Variants in RP1 observed in about 807,000 individuals in gnomAD.
RP1 encodes oxygen-regulated protein 1.
In RP1, 16 loss-of-function variants were observed where a neutral mutation model predicts 14.8. The ratio of observed to expected loss-of-function variants is 1.08; its 90% CI spans 0.73 to 1.65. The LOEUF (loss-of-function observed/expected upper bound fraction) is 1.65. Ranked by LOEUF, RP1 falls within the 40% of genes most tolerant of loss-of-function variation. The pLI, the probability that RP1 is intolerant of heterozygous loss-of-function variation, is 0.00. For synonymous variants in RP1, 876 were observed against 883.6 expected (o/e 0.99, Z 0.15); for missense variants, 2,631 against 2,535.0 (o/e 1.04, Z -0.81).
At chr8:54,653,481 C>T (rs1806696265) in intron 5 of RP1, among the ~76,000 whole-genome samples, 1 of 152,134 alleles carries the variant, frequency 6.6e-6, no homozygotes, top group Admixed American at 6.5e-5. Context: ...TAAACAAGTT[C>T]TCAAAATGTG....
chr8:54,663,618 G>A, intron 6 of RP1: 1 of 1,324,848 alleles, frequency 7.5e-7, no homozygotes, highest in East Asian at 2.8e-5. Context: ...TTCCACCATG[G>A]ATAAGAGGAG....
chr8:54,695,842 T>C (rs572999625), intron 12 of RP1, among the ~76,000 whole-genome samples: 1 of 152,300 alleles, frequency 6.6e-6, no homozygotes, highest in African/African-American at 2.4e-5. Flanking sequence ...CATCTGTAAG[T>C]GCTTGTCAAC....
intron 24 of RP1, among the ~76,000 whole-genome samples, chr8:54,821,006 A>G (rs1795546453): frequency 1.3e-5 from 2 of 152,204 alleles, no homozygotes; most frequent in Admixed American, 6.5e-5. Context: ...AAAAACACAA[A>G]GCAGAATAAA....
intron 13 of RP1, among the ~76,000 whole-genome samples, chr8:54,699,841 C>G (rs577817902): frequency 6.6e-6 from 1 of 152,096 alleles, no homozygotes; most frequent in Non-Finnish European, 1.5e-5. Context: ...CTCAATGGCC[C>G]TTTTAGGGAC....
chr8:54,706,064 A>G (rs1392195059), intron 14 of RP1, among the ~76,000 whole-genome samples: 2 of 152,130 alleles, frequency 1.3e-5, no homozygotes, highest in Non-Finnish European at 2.9e-5. Flanking sequence ...CATACATTTA[A>G]ATATCCATAG....
chr8:54,802,387 A>G (rs1345242096), intron 24 of RP1, among the ~76,000 whole-genome samples: 1 of 152,210 alleles, frequency 6.6e-6, no homozygotes, highest in Non-Finnish European at 1.5e-5. Flanking sequence ...CATGGCATTC[A>G]ATAGAAAATG....
intron 22 of RP1, among the ~76,000 whole-genome samples, chr8:54,761,990 T>A (rs538925597): frequency 6.6e-6 from 1 of 152,198 alleles, no homozygotes; most frequent in Admixed American, 6.5e-5. Context: ...TTTCTGTGCA[T>A]ATGAGGTCAA....
intron 24 of RP1, among the ~76,000 whole-genome samples, chr8:54,786,627 G>A (rs1479546911): frequency 6.6e-6 from 1 of 151,960 alleles, no homozygotes; most frequent in Non-Finnish European, 1.5e-5. Flanking sequence ...ATAATCCTTT[G>A]ATTAATTTTC....
chr8:54,671,821 T>C (rs989991569), intron 7 of RP1, among the ~76,000 whole-genome samples: 2 of 152,192 alleles, frequency 1.3e-5, no homozygotes, highest in Non-Finnish European at 2.9e-5. Context: ...TAGAGATTTG[T>C]ATTTCTTTAG....
chr8:54,834,676 T>G (rs1234628300), intron 24 of RP1, among the ~76,000 whole-genome samples: 4 of 70,602 alleles, frequency 5.7e-5, no homozygotes, highest in Admixed American at 3.8e-4. Context: ...GCTTTGGGAG[T>G]TTTTTTTTTT....
chr8:54,651,267 G>T (rs1208172490), intron 4 of RP1, among the ~76,000 whole-genome samples: 2 of 152,058 alleles, frequency 1.3e-5, no homozygotes, highest in African/African-American at 2.4e-5. Flanking sequence ...ATGTCTTTGG[G>T]TTTGTTATCA....
At position 54,629,845 on chromosome 8, in the gene RP1, T is replaced by C. The variant is rs375523653; in HGVS notation, c.5963T>C (p.Ile1988Thr). 30 of 1,613,592 alleles carry C rather than the reference T, an allele frequency of 1.9e-5. No individual in the cohort carries two copies. The African/African-American group carries it at 2.8e-4, about 15-fold the overall frequency. ...CTTATTGATAATGCCATTGGTGATA[T>C]ATTTGATCAGTTTTATTTCAGTAAC... ...QNLIDNAIGD[I>T]FDQFYFSNTF... Residue 1988 changes from isoleucine (I) to threonine (T), a missense_variant, in exon 4 of 4, where the codon ATA becomes ACA. Coordinates refer to ENST00000220676, the MANE Select transcript of RP1 (RefSeq NM_006269.2).
chr8:54,602,797 G>A (rs1171075818), intron 1 of RP1, among the ~76,000 whole-genome samples: 3 of 152,140 alleles, frequency 2.0e-5, no homozygotes, highest in Non-Finnish European at 1.5e-5. Context: ...GTGATGATGA[G>A]CATTTTTTCA....
chr8:54,777,676 T>A (rs1810076319), intron 23 of RP1, among the ~76,000 whole-genome samples: 1 of 152,192 alleles, frequency 6.6e-6, no homozygotes, highest in Non-Finnish European at 1.5e-5. Context: ...GATCCTCTTA[T>A]GAGGTTGTAT....
intron 24 of RP1, among the ~76,000 whole-genome samples, chr8:54,818,030 T>C (rs1350386547): frequency 6.6e-6 from 1 of 152,200 alleles, no homozygotes; most frequent in Non-Finnish European, 1.5e-5. Context: ...ACCAGAGTTT[T>C]TCTATAAAAT....
At chr8:54,711,005 T>A (rs1808282788) in intron 15 of RP1, among the ~76,000 whole-genome samples, 1 of 152,220 alleles carries the variant, frequency 6.6e-6, no homozygotes, top group Non-Finnish European at 1.5e-5. Context: ...GGGCCACTCC[T>A]GTCTGCCTAG....
chr8:54,810,921 C>G lies in RP1; in HGVS notation c.3616-26529C>G, dbSNP rs562054540. Among the ~76,000 whole-genome samples, 7 of 152,248 alleles carry G rather than the reference C, an allele frequency of 4.6e-5. No individual in the cohort carries two copies. The East Asian group carries it at 1.4e-3, about 29-fold the overall frequency. On this transcript the variant is annotated intron_variant, in intron 24 of 28. Coordinates refer to the RP1 transcript ENST00000637698. ...CCAAGTAGTAAGAGGTTCAAATCTG[C>G]GCAAATGCATGGAAGAATAGGAAAC...
At chr8:54,697,076 G>T (rs1277467278) in intron 12 of RP1, 3 of 1,576,262 alleles carry the variant, frequency 1.9e-6, no homozygotes, top group East Asian at 4.5e-5. Flanking sequence ...CTTCCTCAAG[G>T]AGATGGGCAC....
At chr8:54,684,071 G>A (rs945012252) in intron 12 of RP1, among the ~76,000 whole-genome samples, 16 of 148,886 alleles carry the variant, frequency 1.1e-4, no homozygotes, top group Admixed American at 9.5e-4. Flanking sequence ...TGAGATAATC[G>A]TGTGGTTTTT....
Sources: gnomAD v4.1 joint callset for allele counts (sites outside exome capture counted in the v4.1 genomes callset) on GRCh38, gnomAD v4.1.1 for gene constraint, MANE v1.5 for transcripts, NCBI Gene and HGNC (gene_info 2026-07-23, HGNC 2026-07-21) for gene names.